ARHGAP10: variants seen among roughly 807,000 people sequenced by gnomAD.
The protein encoded by ARHGAP10 is Rho GTPase activating protein 10.
Under a neutral mutation model 108.6 loss-of-function variants are expected in ARHGAP10, and 87 were observed. That is an observed-to-expected ratio of 0.80 (90% confidence interval 0.67 to 0.96). ARHGAP10 has a LOEUF of 0.96. Ranked by LOEUF, ARHGAP10 falls within the 40% of genes least tolerant of loss-of-function variation. The probability of loss-of-function intolerance (pLI) is 0.00; values close to 1 mark genes in which losing one functional copy is unlikely to be tolerated. For synonymous variants in ARHGAP10, 347 were observed against 341.1 expected (o/e 1.02, Z -0.19); for missense variants, 939 against 954.5 (o/e 0.98, Z 0.21).
chr4:147,775,628 C>G (rs1730256004), intron 1 of ARHGAP10, among the ~76,000 whole-genome samples: 1 of 152,194 alleles, frequency 6.6e-6, no homozygotes, highest in Non-Finnish European at 1.5e-5. Flanking sequence ...ATGGAAAGAT[C>G]ACAGGCTTTT....
chr4:147,995,953 G>A (rs545464564), intron 18 of ARHGAP10, among the ~76,000 whole-genome samples: 7 of 152,270 alleles, frequency 4.6e-5, no homozygotes, highest in African/African-American at 1.4e-4. Flanking sequence ...TCCTGACCTC[G>A]TGATCCGCCT....
At chr4:147,906,556 A>AT in intron 10 of ARHGAP10, 82 bp from the exon 11 acceptor site, 1 of 1,349,686 alleles carries the variant, frequency 7.4e-7, no homozygotes, top group Non-Finnish European at 1.0e-6. Context: ...TAAAAAAAAA[A>AT]TGGTTACAAC....
At chr4:147,911,409 C>G (rs1736723207) in intron 12 of ARHGAP10, among the ~76,000 whole-genome samples, 1 of 152,210 alleles carries the variant, frequency 6.6e-6, no homozygotes, top group Non-Finnish European at 1.5e-5. Flanking sequence ...GTCGCCCAGG[C>G]TGCAGTGCAG....
At chr4:147,824,102 C>A (rs963964403) in intron 3 of ARHGAP10, among the ~76,000 whole-genome samples, 1 of 151,748 alleles carries the variant, frequency 6.6e-6, no homozygotes, top group African/African-American at 2.4e-5. Context: ...GGCGAGTCAC[C>A]TGAGGTCAGG....
chr4:147,962,209 C>T (rs1739025221), intron 16 of ARHGAP10, among the ~76,000 whole-genome samples: 3 of 152,210 alleles, frequency 2.0e-5, no homozygotes, highest in South Asian at 4.1e-4. Flanking sequence ...GCCAGACTAC[C>T]CAGATGTGAA....
intron 3 of ARHGAP10, among the ~76,000 whole-genome samples, chr4:147,823,292 C>T (rs191213280): frequency 3.9e-5 from 6 of 152,146 alleles, no homozygotes; most frequent in East Asian, 1.9e-4. Context: ...AATATATCAG[C>T]GGGATAAAAG....
chr4:148,011,585 T>C (rs1287314840), intron 18 of ARHGAP10, among the ~76,000 whole-genome samples: 1 of 152,214 alleles, frequency 6.6e-6, no homozygotes, highest in East Asian at 1.9e-4. Flanking sequence ...AAGTCATATA[T>C]AGTTCACTTT....
intron 1 of ARHGAP10, among the ~76,000 whole-genome samples, chr4:147,820,735 C>T (rs999208624): frequency 1.3e-5 from 2 of 151,766 alleles, no homozygotes; most frequent in African/African-American, 4.8e-5. Flanking sequence ...GTATTAAAGG[C>T]ATGCACCACC....
At chr4:147,940,004 C>A in intron 14 of ARHGAP10, 105 bp downstream of exon 14, 3 of 1,115,534 alleles carry the variant, frequency 2.7e-6, no homozygotes, top group South Asian at 1.5e-5. Flanking sequence ...TCATTCCATT[C>A]CTCTACTTTC....
intron 10 of ARHGAP10, among the ~76,000 whole-genome samples, chr4:147,895,992 T>C (rs1735979978): frequency 6.6e-6 from 1 of 152,240 alleles, no homozygotes. Flanking sequence ...GATCATTAAA[T>C]ATGTTTCTTT....
chr4:147,784,485 TATTTA>T (rs1442237013), intron 1 of ARHGAP10, among the ~76,000 whole-genome samples: 2 of 123,114 alleles, frequency 1.6e-5, no homozygotes, highest in African/African-American at 3.2e-5. Context: ...TTTATATATA[TATTTA>T]ATTTATATAT....
intron 18 of ARHGAP10, among the ~76,000 whole-genome samples, chr4:148,022,524 T>TATCA (rs1741606670): frequency 6.6e-6 from 1 of 152,214 alleles, no homozygotes; most frequent in Non-Finnish European, 1.5e-5. Flanking sequence ...CTATTATCAG[T>TATCA]CACCTCTGTG....
chr4:147,864,765 G>T, intron 5 of ARHGAP10, 81 bp from the exon 6 acceptor site: 1 of 1,252,536 alleles, frequency 8.0e-7, no homozygotes, highest in Non-Finnish European at 1.1e-6. Flanking sequence ...TTGGCCCATG[G>T]ACCACAGTGT....
At chr4:147,859,575 A>G (rs1183535378) in intron 5 of ARHGAP10, among the ~76,000 whole-genome samples, 1 of 151,960 alleles carries the variant, frequency 6.6e-6, no homozygotes, top group Non-Finnish European at 1.5e-5. Flanking sequence ...GGCCCAGCCT[A>G]TTTTTTTTCA....
chr4:147,751,368 GTT>G (rs1379231652), intron 1 of ARHGAP10, among the ~76,000 whole-genome samples: 1 of 142,172 alleles, frequency 7.0e-6, no homozygotes, highest in African/African-American at 2.5e-5. Context: ...AATAGTTGTT[GTT>G]TTTTTTTTTT....
chr4:147,825,456 A>T lies in ARHGAP10; in HGVS notation c.312+2499A>T, dbSNP rs1333373792. ...AGCGAGACTCCATCTCAAAAAAAAA[A>T]AAGTGACAGAGACATATGTCCTCAA... On this transcript the variant is annotated intron_variant, in intron 3 of 22. Transcript: ENST00000336498. Among the ~76,000 whole-genome samples, 3 of 152,202 alleles carry T rather than the reference A, an allele frequency of 2.0e-5. No individual in the cohort carries two copies. In the South Asian group the frequency reaches 6.2e-4, roughly 32 times the overall value.
chr4:147,801,601 C>G (rs1224886539), intron 1 of ARHGAP10, among the ~76,000 whole-genome samples: 2 of 152,098 alleles, frequency 1.3e-5, no homozygotes, highest in African/African-American at 4.8e-5. Flanking sequence ...TTTGAATGGC[C>G]TTATAAAATG....
At chr4:147,909,698 T>G (rs750317625) in intron 11 of ARHGAP10, 34 bp from the exon 12 acceptor site, 42 of 1,579,704 alleles carry the variant, frequency 2.7e-5, no homozygotes, top group Non-Finnish European at 3.3e-5. Context: ...CTGATTTGAT[T>G]AAAAAATTCT....
At chr4:147,984,645 G>A (rs1230873577) in intron 18 of ARHGAP10, among the ~76,000 whole-genome samples, 2 of 152,214 alleles carry the variant, frequency 1.3e-5, no homozygotes, top group African/African-American at 4.8e-5. Context: ...GCCTCCTGTA[G>A]GACCAGGGGG....
Sources: gnomAD v4.1 joint callset for allele counts (sites outside exome capture counted in the v4.1 genomes callset) on GRCh38, gnomAD v4.1.1 for gene constraint, MANE v1.5 for transcripts, NCBI Gene and HGNC (gene_info 2026-07-23, HGNC 2026-07-21) for gene names.